UCKL1: variants seen among roughly 807,000 people sequenced by gnomAD.
UCKL1 encodes the protein uridine-cytidine kinase 1 like 1.
In UCKL1, 65 loss-of-function variants were observed where a neutral mutation model predicts 59.2. That is an observed-to-expected ratio of 1.10 (90% CI 0.90 to 1.35). The LOEUF is 1.35. UCKL1 is among the 40% of genes most tolerant of loss of function. UCKL1 has a pLI of 0.00. For missense variants in UCKL1, 703 were observed against 784.3 expected, an observed-to-expected ratio of 0.90 and a Z score of 1.24; for synonymous variants, 410 against 323.1, an observed-to-expected ratio of 1.27 and a Z score of -2.88.
At position 63,946,553 on chromosome 20, in the gene UCKL1, C is replaced by G; in HGVS notation, c.204G>C (p.Glu68Asp). ...RKRTTSQCKS[E>D]PPLLRTSKRT... ...GCTTGCTTGTACGCAGCAGGGGAGG[C>G]TCTGACTTGCACTGGCTGGTGGTCC... Residue 68 changes from glutamate (E) to aspartate (D), a missense_variant, in exon 2 of 15, where the codon GAG becomes GAC. Glu to Asp is a conservative substitution (Grantham distance 45). Coordinates refer to ENST00000354216, the MANE Select transcript of UCKL1 (RefSeq NM_017859.4). The G allele has an allele frequency of 6.2e-7, 1 of 1,610,900 alleles. No homozygotes were observed. Among genetic ancestry groups the G allele is most frequent in the South Asian group, 1.1e-5 (1 of 90,832 alleles).
At chr20:63,945,259 C>T (rs2055843073) in intron 5 of UCKL1, among the ~76,000 whole-genome samples, 1 of 152,144 alleles carries the variant, frequency 6.6e-6, no homozygotes, top group African/African-American at 2.4e-5. Flanking sequence ...AGGACCTGGG[C>T]CCTGGGATCA....
At position 63,945,901 on chromosome 20, in the gene UCKL1, G is replaced by A. The variant is rs1160648171; in HGVS notation, c.486C>T (p.Phe162=). 16 of 1,613,750 alleles carry A rather than the reference G, an allele frequency of 9.9e-6. No individual in the cohort carries two copies. Among genetic ancestry groups the A allele is most frequent in the East Asian group, 2.2e-5 (1 of 44,894 alleles). ...TCTTGAGGGTGGAAATGATGAGGTC[G>A]AAGTCAAAGGCATCTGGGTGGTCGA... ...FNFDHPDAFD[F]DLIISTLKKL... The change falls in exon 4 of 15, where the codon TTC becomes TTT. Residue 162 remains phenylalanine (F), a synonymous_variant. Coordinates refer to ENST00000354216, the MANE Select transcript of UCKL1 (RefSeq NM_017859.4).
At chr20:63,948,698 C>T (rs1471842925) in intron 1 of UCKL1, among the ~76,000 whole-genome samples, 7 of 11,920 alleles carry the variant, frequency 5.9e-4, no homozygotes, top group South Asian at 6.1e-3. Flanking sequence ...ACCGAGGGGG[C>T]GTGTAAGGGA....
At chr20:63,952,971 C>T (rs1009884346) in intron 1 of UCKL1, among the ~76,000 whole-genome samples, 6 of 152,258 alleles carry the variant, frequency 3.9e-5, no homozygotes, top group African/African-American at 1.2e-4. Context: ...CACAGGTGGC[C>T]GGGCGCGGTG....
chr20:63,941,022 G>A lies in UCKL1; in HGVS notation c.1044C>T (p.Asp348=). 1.9e-6 allele frequency: 3 copies of A among 1,561,944 alleles called. No homozygotes were observed. Among genetic ancestry groups the A allele is most frequent in the Non-Finnish European group, 2.6e-6 (3 of 1,154,640 alleles). ...GTCTCTTGGAGTAGAAGATGAACTC[G>A]TCGCGACTGGTCTCCTTGTCCCTGT... ...TIIRDKETSR[D]EFIFYSKRLM... The change falls in exon 10 of 15, where the codon GAC becomes GAT. Residue 348 remains aspartate (D), a synonymous_variant. Coordinates refer to ENST00000354216, the MANE Select transcript of UCKL1 (RefSeq NM_017859.4).
chr20:63,939,960 A>G lies in UCKL1; in HGVS notation c.*16T>C, dbSNP rs2053903575. On this transcript the variant is annotated 3_prime_UTR_variant, in exon 15 of 15. Transcript: ENST00000354216. ...GCAGGAGGAGGGTGGTGGGGACGGG[A>G]TGGCTCACTGGGCAGCTAACCCGTG... is the stretch of plus-strand genomic sequence containing the variant. 1.2e-6 allele frequency: 2 copies of G among 1,610,684 alleles called. No homozygotes were observed. The highest frequency in any genetic ancestry group is 1.3e-5 in the African/African-American group (1 of 74,810).
chr20:63,941,677 T>C, intron 8 of UCKL1: 1 of 203,718 alleles, frequency 4.9e-6, no homozygotes, highest in South Asian at 7.2e-5. Flanking sequence ...GAGAGGGGGG[T>C]GGGGGGCAAA....
At position 63,944,533 on chromosome 20, in the gene UCKL1, C is replaced by T; in HGVS notation, c.844+12G>A. ...CCCGACACCCACCCAACAGGCAGCC[C>T]AGCAGGCTCACCTCTGGGGACCACG... is the stretch of plus-strand genomic sequence containing the variant. On this transcript the variant is annotated intron_variant, in intron 6 of 14. Coordinates refer to ENST00000354216, the MANE Select transcript of UCKL1 (RefSeq NM_017859.4). 1 of 1,604,758 alleles carries T rather than the reference C, an allele frequency of 6.2e-7. No individual in the cohort carries two copies. The highest frequency in any genetic ancestry group is 1.1e-5 in the South Asian group (1 of 89,958).
chr20:63,947,715 C>T (rs1283152944), intron 1 of UCKL1, among the ~76,000 whole-genome samples: 2 of 152,266 alleles, frequency 1.3e-5, no homozygotes, highest in Non-Finnish European at 2.9e-5. Context: ...ATCTGGCAAA[C>T]ACCAGAGAGG....
intron 7 of UCKL1, among the ~76,000 whole-genome samples, 196 bp from the exon 8 acceptor site, chr20:63,943,865 A>G (rs1392160490): frequency 1.3e-5 from 2 of 152,184 alleles, no homozygotes; most frequent in African/African-American, 2.4e-5. Context: ...CGTTGGGGCA[A>G]TCAGAGCCAG....
At chr20:63,951,017 G>A in intron 1 of UCKL1, 3 of 1,272,052 alleles carry the variant, frequency 2.4e-6, no homozygotes, top group Non-Finnish European at 3.0e-6. Flanking sequence ...GGGCAGCACA[G>A]TGGGTGCAGA....
chr20:63,945,286 A>G (rs1003511545), intron 5 of UCKL1, among the ~76,000 whole-genome samples: 5 of 152,092 alleles, frequency 3.3e-5, no homozygotes, highest in Non-Finnish European at 7.4e-5. Flanking sequence ...CCTGAGTCAC[A>G]CTCAGCTGTG....
chr20:63,941,356 C>A, intron 8 of UCKL1, 148 bp from the exon 9 acceptor site: 1 of 1,271,396 alleles, frequency 7.9e-7, no homozygotes. Context: ...CTGCCTGGGG[C>A]TGAGCTGGGG....
At chr20:63,948,459 C>T (rs1220046020) in intron 1 of UCKL1, 1 of 150,820 alleles carries the variant, frequency 6.6e-6, no homozygotes, top group African/African-American at 2.4e-5. Flanking sequence ...AGAGCATGGT[C>T]AGGGGAGAAA....
In UCKL1 at chr20:63,943,685, A is replaced by C. The variant is rs1209481752; in HGVS notation, c.907-16T>G. On this transcript the variant is annotated splice_polypyrimidine_tract_variant and intron_variant, in intron 7 of 14. Coordinates refer to ENST00000354216, the MANE Select transcript of UCKL1 (RefSeq NM_017859.4). ...TGAGTTCACGCTGTGGCAGCAACACAGGAAGACACAAGGGAACGGTGGCGC... is the reference window on the plus strand; with the variant it reads ...TGAGTTCACGCTGTGGCAGCAACACCGGAAGACACAAGGGAACGGTGGCGC... 5 of 1,612,496 alleles carry C rather than the reference A, an allele frequency of 3.1e-6. No individual in the cohort carries two copies. The highest frequency in any genetic ancestry group is 4.2e-6 in the Non-Finnish European group (5 of 1,179,874).
In UCKL1 at chr20:63,946,254, G is replaced by A. The variant is rs368528593; in HGVS notation, c.318C>T (p.Gly106=). The A allele has an allele frequency of 1.6e-5, 25 of 1,596,676 alleles. No individual in the cohort carries two copies. Among genetic ancestry groups the A allele is most frequent in the Non-Finnish European group, 2.0e-5 (23 of 1,172,774 alleles). The stretch of plus-strand genomic sequence containing the variant: ...CCACAGTGGTCTTCCCAGAGGCACT[G>A]CCGCCTCCCAAGCCTGCCGGCGGGA... ...KEAFAIGLGG[G]SASGKTTVAR... is the part of the protein sequence containing the mutation. The change falls in exon 3 of 15, where the codon GGC becomes GGT. Residue 106 remains glycine (G), a synonymous_variant. Transcript: ENST00000354216.
Position 63,956,358 on chromosome 20 carries a change from C to CG in UCKL1, c.14dup (p.Ala6GlyfsTer6). ...GCGAAGGATCAGCGTCCGCGCGGGC[C>CG]GGGGGCGCAGCCATGGCGCTCGGAG... On this transcript the variant is annotated frameshift_variant, in exon 1 of 15. Coordinates refer to ENST00000354216, the MANE Select transcript of UCKL1 (RefSeq NM_017859.4). LOFTEE classifies it high-confidence loss of function. 6.5e-7 allele frequency: 1 copy of CG among 1,531,226 alleles called. No individual in the cohort carries two copies. The highest frequency in any genetic ancestry group is 8.8e-7 in the Non-Finnish European group (1 of 1,141,664). 94.9% of individuals were successfully genotyped at this position (1,531,226 alleles called of 1,614,324 possible).
Position 63,944,991 on chromosome 20 carries a change from C to T in UCKL1, c.655-257G>A, listed in dbSNP as rs535011532. 5.3e-5 allele frequency among the ~76,000 whole-genome samples: 8 copies of T among 152,320 alleles called. No individual in the cohort carries two copies. In the South Asian group the frequency reaches 1.4e-3, roughly 28 times the overall value. On this transcript the variant is annotated intron_variant, in intron 5 of 14. Coordinates refer to ENST00000354216, the MANE Select transcript of UCKL1 (RefSeq NM_017859.4). ...GGTGGGGGTGTCTGGGGATGCGGTG[C>T]TGCCCGTCAGGGGCTTAGGTGAAGA... is the stretch of plus-strand genomic sequence containing the variant.
At position 63,941,220 on chromosome 20, in the gene UCKL1, C is replaced by A; in HGVS notation, c.924-12G>T. 6.7e-7 allele frequency: 1 copy of A among 1,502,038 alleles called. No individual in the cohort carries two copies. 93.0% of individuals were successfully genotyped at this position (1,502,038 alleles called of 1,614,324 possible). A position where few individuals can be genotyped will look rare whatever the true frequency, so the allele number is the denominator to read the frequency against. ...AGGCCAGCGCAGCCCTGGGGACAAACCGATGGGGAACACTCAAGAAGGGGG... is the reference window on the plus strand; with the variant it reads ...AGGCCAGCGCAGCCCTGGGGACAAAACGATGGGGAACACTCAAGAAGGGGG... On this transcript the variant is annotated splice_polypyrimidine_tract_variant and intron_variant, in intron 8 of 14. Transcript: ENST00000354216.
Sources: allele counts gnomAD v4.1 joint callset (sites outside exome capture counted in the v4.1 genomes callset), GRCh38; gene constraint gnomAD v4.1.1; transcripts MANE v1.5; gene names NCBI Gene and HGNC (gene_info 2026-07-23, HGNC 2026-07-21).